SLC25A21: variants seen among roughly 807,000 people sequenced by gnomAD.
SLC25A21 encodes the protein mitochondrial 2-oxodicarboxylate carrier.
SLC25A21 carries 47 observed loss-of-function variants against 43.8 expected under a neutral mutation model. The observed-to-expected ratio is 1.07, with a 90% CI of 0.85 to 1.37. The LOEUF (loss-of-function observed/expected upper bound fraction) is 1.37, where lower values mean the gene tolerates loss of function less well. Ranked by LOEUF, SLC25A21 falls within the 40% of genes most tolerant of loss-of-function variation. The pLI is 0.00. For synonymous variants in SLC25A21, 131 were observed against 121.3 expected (o/e 1.08, Z -0.52); for missense variants, 352 against 350.2 (o/e 1.00, Z -0.04).
At chr14:36,931,676 A>G (rs1378285962) in intron 1 of SLC25A21, among the ~76,000 whole-genome samples, 1 of 152,112 alleles carries the variant, frequency 6.6e-6, no homozygotes, top group Non-Finnish European at 1.5e-5. Context: ...GAAAGGAGAG[A>G]CAGAAAGCAG....
At chr14:36,916,198 T>C (rs1376808505) in intron 1 of SLC25A21, among the ~76,000 whole-genome samples, 1 of 152,198 alleles carries the variant, frequency 6.6e-6, no homozygotes, top group East Asian at 1.9e-4. Context: ...GATCTAAAGA[T>C]TTGGACTGTC....
At chr14:36,853,489 A>C (rs527299705) in intron 2 of SLC25A21, among the ~76,000 whole-genome samples, 10 of 152,318 alleles carry the variant, frequency 6.6e-5, no homozygotes, top group Admixed American at 1.3e-4. Context: ...GCTGCTAGGC[A>C]GACCCAGGAC....
intron 1 of SLC25A21, among the ~76,000 whole-genome samples, chr14:36,914,461 C>T (rs577108122): frequency 2.6e-5 from 4 of 152,276 alleles, no homozygotes; most frequent in African/African-American, 9.6e-5. Flanking sequence ...TAAAGCAGTG[C>T]TGTTTCAGGA....
At chr14:36,994,734 T>C (rs1357824653) in intron 1 of SLC25A21, among the ~76,000 whole-genome samples, 2 of 152,132 alleles carry the variant, frequency 1.3e-5, no homozygotes, top group Non-Finnish European at 2.9e-5. Flanking sequence ...GGCAGGTACC[T>C]TGAATCTAAC....
intron 1 of SLC25A21, among the ~76,000 whole-genome samples, chr14:36,893,604 A>G (rs1270390475): frequency 6.6e-6 from 1 of 152,190 alleles, no homozygotes; most frequent in African/African-American, 2.4e-5. Flanking sequence ...TGTTTTAGAC[A>G]TGAAGTCCTT....
intron 4 of SLC25A21, among the ~76,000 whole-genome samples, chr14:36,734,202 A>C (rs1182505544): frequency 6.6e-6 from 1 of 152,022 alleles, no homozygotes; most frequent in Admixed American, 6.6e-5. Flanking sequence ...AAAATTTCTG[A>C]GTTGCTTTGA....
rs551351814 is a variant in SLC25A21, at chr14:37,086,894, TG to T, written c.70+85386del. Among the ~76,000 whole-genome samples, 7 of 152,322 alleles carry T rather than the reference TG, an allele frequency of 4.6e-5. No individual in the cohort carries two copies. The East Asian group carries it at 1.4e-3, about 29-fold the overall frequency. On this transcript the variant is annotated intron_variant, in intron 1 of 9. Transcript: ENST00000331299. ...AAGGATACAATCTCATACATTTTAA[TG>T]TAAAATTAGTAGGAAGACTTTATTT...
chr14:37,146,482 A>AG (rs1963667203), intron 1 of SLC25A21, among the ~76,000 whole-genome samples: 2 of 152,292 alleles, frequency 1.3e-5, no homozygotes, highest in Admixed American at 1.3e-4. Context: ...CCTGACCTCA[A>AG]GAGATCCGCC....
rs567748830 is a variant in SLC25A21, at chr14:36,709,600, G to A, written c.603+1718C>T. ...AAACATAAGCTTCTACTCAATAAAT[G>A]AGATTTCCAAATACAGGGAAACCTG... is the stretch of plus-strand genomic sequence containing the variant. On this transcript the variant is annotated intron_variant, in intron 7 of 9. Transcript: ENST00000331299. Among the ~76,000 whole-genome samples, 3 of 152,308 alleles carry A rather than the reference G, an allele frequency of 2.0e-5. No individual in the cohort carries two copies. The South Asian group carries it at 6.2e-4, about 32-fold the overall frequency.
At chr14:36,958,685 A>G (rs879881316) in intron 1 of SLC25A21, among the ~76,000 whole-genome samples, 147 of 31,058 alleles carry the variant, frequency 4.7e-3, no homozygotes, top group African/African-American at 0.014. Context: ...ACGTGCACAC[A>G]CACACACACA....
At chr14:36,880,864 A>G (rs1457175769) in intron 1 of SLC25A21, among the ~76,000 whole-genome samples, 9 of 152,178 alleles carry the variant, frequency 5.9e-5, no homozygotes, top group Admixed American at 5.9e-4. Context: ...TAATAGACTG[A>G]CAGATGATTG....
intron 1 of SLC25A21, among the ~76,000 whole-genome samples, chr14:37,105,217 C>T (rs928415560): frequency 6.6e-6 from 1 of 152,112 alleles, no homozygotes; most frequent in African/African-American, 2.4e-5. Flanking sequence ...GTAATAATGC[C>T]AATGATACTG....
At chr14:36,957,008 A>G (rs1379001721) in intron 1 of SLC25A21, among the ~76,000 whole-genome samples, 1 of 152,214 alleles carries the variant, frequency 6.6e-6, no homozygotes, top group Non-Finnish European at 1.5e-5. Context: ...ATTGTTTTTC[A>G]ATGGCACAAC....
intron 2 of SLC25A21, among the ~76,000 whole-genome samples, chr14:36,849,830 C>T (rs1056610502): frequency 1.3e-5 from 2 of 152,176 alleles, no homozygotes; most frequent in African/African-American, 2.4e-5. Context: ...TTTTCAGAAT[C>T]TAGGACTTTG....
intron 2 of SLC25A21, among the ~76,000 whole-genome samples, chr14:36,833,088 T>A (rs1889092251): frequency 6.6e-6 from 1 of 152,202 alleles, no homozygotes; most frequent in Admixed American, 6.5e-5. Flanking sequence ...GCATTAAGGA[T>A]ACCAAAAAGA....
chr14:37,144,291 T>C (rs934980555), intron 1 of SLC25A21, among the ~76,000 whole-genome samples: 30 of 152,358 alleles, frequency 2.0e-4, no homozygotes, highest in African/African-American at 7.0e-4. Flanking sequence ...CTTATCTCAA[T>C]TAATAATGAT....
At chr14:36,971,602 T>G (rs1469515801) in intron 1 of SLC25A21, among the ~76,000 whole-genome samples, 3 of 152,058 alleles carry the variant, frequency 2.0e-5, no homozygotes, top group Non-Finnish European at 4.4e-5. Flanking sequence ...CGCTGCTCCC[T>G]TTCGGGCACC....
rs765044340 is a variant in SLC25A21, at chr14:37,154,401, T to C, written c.70+17880A>G. Reference sequence around the variant, plus strand: ...TCTCCTACAAAAGTAAGTTCAAAAATAGGAAGACGTGATTGTTACACCAGA... The same window carrying C: ...TCTCCTACAAAAGTAAGTTCAAAAACAGGAAGACGTGATTGTTACACCAGA... On this transcript the variant is annotated intron_variant, in intron 1 of 9. Transcript: ENST00000331299. 2.0e-4 allele frequency among the ~76,000 whole-genome samples: 31 copies of C among 151,584 alleles called. No homozygotes were observed. In the South Asian group the frequency reaches 2.3e-3, roughly 11 times the overall value.
chr14:36,774,835 T>C (rs567027914), intron 3 of SLC25A21, among the ~76,000 whole-genome samples: 49 of 152,334 alleles, frequency 3.2e-4, no homozygotes, highest in Admixed American at 2.2e-3. Flanking sequence ...TCGGATTTCT[T>C]ACCTTAGTAA....
Sources: allele counts gnomAD v4.1 joint callset (sites outside exome capture counted in the v4.1 genomes callset), GRCh38; gene constraint gnomAD v4.1.1; transcripts MANE v1.5; gene names NCBI Gene and HGNC (gene_info 2026-07-23, HGNC 2026-07-21).